FAM107B: variants seen among roughly 807,000 people sequenced by gnomAD.
The protein encoded by FAM107B is protein FAM107B.
In FAM107B, 21 loss-of-function variants were observed where a neutral mutation model predicts 31.5. That is an observed-to-expected ratio of 0.67 (90% CI 0.47 to 0.96). The LOEUF (loss-of-function observed/expected upper bound fraction) is 0.96, where lower values mean the gene tolerates loss of function less well. Ranked by LOEUF, FAM107B falls within the 40% of genes least tolerant of loss-of-function variation. The pLI, the probability that FAM107B is intolerant of heterozygous loss-of-function variation, is 0.00. For synonymous variants in FAM107B, 157 were observed against 141.5 expected (o/e 1.11, Z -0.78); for missense variants, 452 against 377.1 (o/e 1.20, Z -1.64).
At chr10:14,534,072 C>T (rs974194850) in intron 2 of FAM107B, among the ~76,000 whole-genome samples, 7 of 152,198 alleles carry the variant, frequency 4.6e-5, no homozygotes, top group African/African-American at 1.7e-4. Context: ...CAGGGGCAAA[C>T]ATCTTCCTTC....
At chr10:14,694,984 G>A (rs971233871) in intron 1 of FAM107B, among the ~76,000 whole-genome samples, 1 of 152,126 alleles carries the variant, frequency 6.6e-6, no homozygotes, top group African/African-American at 2.4e-5. Flanking sequence ...TCTTTGCTGT[G>A]TAGAAGCTTT....
At chr10:14,646,278 C>T (rs545294925) in intron 2 of FAM107B, among the ~76,000 whole-genome samples, 4 of 152,214 alleles carry the variant, frequency 2.6e-5, no homozygotes, top group South Asian at 4.1e-4. Context: ...CTTTAGTGTA[C>T]CTGTCACCCA....
rs192090869 is a variant in FAM107B, at chr10:14,685,619, A to C, written c.412-17928T>G. On this transcript the variant is annotated intron_variant, in intron 1 of 4. Coordinates refer to ENST00000181796, the MANE Select transcript of FAM107B (RefSeq NM_031453.4). ...CCTATTGGCTCCTGTCACTTACATA[A>C]AGTTCAGACAAGAGTCTCAGAAAGT... is the stretch of plus-strand genomic sequence containing the variant. Among the ~76,000 whole-genome samples the C allele has an allele frequency of 3.0e-3, 459 of 152,230 alleles. 1 individual carries two copies. The highest frequency in any genetic ancestry group is 0.01 in the African/African-American group (429 of 41,530).
chr10:14,592,992 A>T (rs1852069541), intron 2 of FAM107B, among the ~76,000 whole-genome samples: 1 of 152,212 alleles, frequency 6.6e-6, no homozygotes, highest in African/African-American at 2.4e-5. Flanking sequence ...GGAATTGCCC[A>T]ACAAATATGG....
chr10:14,687,077 T>C (rs779536884), intron 1 of FAM107B, among the ~76,000 whole-genome samples: 4 of 152,248 alleles, frequency 2.6e-5, no homozygotes, highest in African/African-American at 4.8e-5. Context: ...GTTCAGTAAA[T>C]AGCTCTCATC....
chr10:14,733,368 CTG>C (rs1856218355), intron 1 of FAM107B, among the ~76,000 whole-genome samples: 2 of 152,144 alleles, frequency 1.3e-5, no homozygotes, highest in Admixed American at 1.3e-4. Flanking sequence ...GCAAAGATCA[CTG>C]AGATCTTTTG....
intron 1 of FAM107B, among the ~76,000 whole-genome samples, chr10:14,728,051 C>G (rs1347511514): frequency 6.6e-6 from 1 of 152,148 alleles, no homozygotes; most frequent in East Asian, 1.9e-4. Flanking sequence ...CTCCTCCCCC[C>G]ATACATTTAT....
At chr10:14,601,653 G>T (rs1017891264) in intron 2 of FAM107B, among the ~76,000 whole-genome samples, 6 of 152,126 alleles carry the variant, frequency 3.9e-5, no homozygotes, top group Admixed American at 1.3e-4. Context: ...AACTCCCCCA[G>T]ATAGCCGGGG....
At chr10:14,714,672 G>A (rs751288580) in intron 1 of FAM107B, among the ~76,000 whole-genome samples, 69 of 152,178 alleles carry the variant, frequency 4.5e-4, no homozygotes, top group Non-Finnish European at 8.2e-4. Context: ...GGAGCTGAGG[G>A]AGGGAGAGGA....
chr10:14,568,426 C>T (rs1424306763), intron 2 of FAM107B, among the ~76,000 whole-genome samples: 2 of 148,412 alleles, frequency 1.3e-5, no homozygotes, highest in East Asian at 2.0e-4. Context: ...CAGGGTTAGA[C>T]GAGGAGGTGA....
intron 2 of FAM107B, chr10:14,661,751 T>A (rs935383215): frequency 6.6e-6 from 1 of 152,244 alleles, no homozygotes; most frequent in Non-Finnish European, 1.5e-5. Flanking sequence ...AGAATGATTT[T>A]GGTTTGGCAG....
At chr10:14,709,272 T>A (rs1855587275) in intron 1 of FAM107B, among the ~76,000 whole-genome samples, 1 of 152,174 alleles carries the variant, frequency 6.6e-6, no homozygotes, top group Admixed American at 6.5e-5. Flanking sequence ...TTATTCACAA[T>A]GGCTTGTATT....
At chr10:14,585,503 T>C (rs913059217) in intron 2 of FAM107B, among the ~76,000 whole-genome samples, 4 of 152,182 alleles carry the variant, frequency 2.6e-5, no homozygotes, top group African/African-American at 4.8e-5. Flanking sequence ...GAAAAGCAAG[T>C]ACAGTCTCTC....
chr10:14,745,243 A>G (rs1588749848), intron 1 of FAM107B, among the ~76,000 whole-genome samples: 1 of 151,762 alleles, frequency 6.6e-6, no homozygotes, highest in East Asian at 1.9e-4. Context: ...TTTTTTTTCA[A>G]AAAACCAACT....
chr10:14,738,618 G>C (rs1021580461), intron 1 of FAM107B, among the ~76,000 whole-genome samples: 1 of 152,190 alleles, frequency 6.6e-6, no homozygotes, highest in Non-Finnish European at 1.5e-5. Flanking sequence ...GAGGTTAGAG[G>C]AGTGAATGCA....
intron 2 of FAM107B, among the ~76,000 whole-genome samples, chr10:14,617,159 G>A (rs1852875238): frequency 6.6e-6 from 1 of 151,330 alleles, no homozygotes; most frequent in Non-Finnish European, 1.5e-5. Context: ...AACTGACTCG[G>A]GATATTTTCA....
At chr10:14,538,137 C>G (rs55925112) in intron 2 of FAM107B, among the ~76,000 whole-genome samples, 18,558 of 152,194 alleles carry the variant, frequency 0.12, 1,244 homozygotes, top group Non-Finnish European at 0.16. Context: ...GACTTTAGAA[C>G]CTTTCTAACA....
intron 2 of FAM107B, among the ~76,000 whole-genome samples, chr10:14,608,788 C>T (rs890574377): frequency 2.0e-5 from 3 of 152,134 alleles, no homozygotes; most frequent in Admixed American, 2.0e-4. Flanking sequence ...GAGAAAGAGA[C>T]CCCCCTTGAT....
At chr10:14,625,716 T>C (rs1399028961) in intron 2 of FAM107B, among the ~76,000 whole-genome samples, 1 of 152,038 alleles carries the variant, frequency 6.6e-6, no homozygotes, top group East Asian at 1.9e-4. Flanking sequence ...TTCTCGTGGT[T>C]TCAGAGTCCA....
Sources: gnomAD v4.1 joint callset for allele counts (sites outside exome capture counted in the v4.1 genomes callset) on GRCh38, gnomAD v4.1.1 for gene constraint, MANE v1.5 for transcripts, NCBI Gene and HGNC (gene_info 2026-07-23, HGNC 2026-07-21) for gene names.